TENM3: variants seen among roughly 807,000 people sequenced by gnomAD.
TENM3 encodes the protein teneurin transmembrane protein 3.
A neutral mutation model predicts 255.1 loss-of-function variants in TENM3; 63 were observed. That is an observed-to-expected ratio of 0.25 (90% CI 0.20 to 0.30). The LOEUF (loss-of-function observed/expected upper bound fraction) is 0.30. Among genes scored for constraint, TENM3 ranks in the 10% least tolerant of loss-of-function variants. The pLI, the probability that TENM3 is intolerant of heterozygous loss-of-function variation, is 1.00. For missense variants in TENM3, 2,929 were observed against 3,461.1 expected, an observed-to-expected ratio of 0.85 and a Z score of 3.86; for synonymous variants, 1,306 against 1,322.3, an observed-to-expected ratio of 0.99 and a Z score of 0.27.
chr4:181,603,903 G>A, the TENM3 span, among the ~76,000 whole-genome samples: 21 of 152,320 alleles, frequency 1.4e-4, no homozygotes, highest in Non-Finnish European at 2.9e-4. Context: ...GCTTTGAGTT[G>A]CCTGGACCTA....
At chr4:181,777,922 A>G in the TENM3 span, among the ~76,000 whole-genome samples, 3,848 of 152,172 alleles carry the variant, frequency 0.025, 68 homozygotes, top group Non-Finnish European at 0.039. Flanking sequence ...CACACTCTAA[A>G]ATACAGCTAG....
At chr4:181,709,170 T>C in the TENM3 span, among the ~76,000 whole-genome samples, 1 of 152,256 alleles carries the variant, frequency 6.6e-6, no homozygotes, top group African/African-American at 2.4e-5. Flanking sequence ...CTAAATTATT[T>C]ATTCAAAGTT....
chr4:181,451,294 G>A, the TENM3 span, among the ~76,000 whole-genome samples: 1 of 152,088 alleles, frequency 6.6e-6, no homozygotes, highest in African/African-American at 2.4e-5. Flanking sequence ...CTAGAGCACA[G>A]CCTGCAAACA....
At chr4:182,482,328 T>C (rs937767230) in intron 3 of TENM3, among the ~76,000 whole-genome samples, 1 of 152,168 alleles carries the variant, frequency 6.6e-6, no homozygotes, top group Non-Finnish European at 1.5e-5. Flanking sequence ...GTTATTAATA[T>C]GCTTATATCT....
At position 182,448,663 on chromosome 4, in the gene TENM3, C is replaced by G. The variant is rs375510650; in HGVS notation, c.511+101734C>G. On this transcript the variant is annotated intron_variant, in intron 3 of 27. Coordinates refer to ENST00000511685, the MANE Select transcript of TENM3 (RefSeq NM_001080477.4). Reference sequence around the variant, plus strand: ...CACGGCCGCTGCCCGGGGCGGCTCGCGAGCGTGCGTGTGTGGAGGGGAGGA... The same window carrying G: ...CACGGCCGCTGCCCGGGGCGGCTCGGGAGCGTGCGTGTGTGGAGGGGAGGA... 4.6e-5 allele frequency among the ~76,000 whole-genome samples: 7 copies of G among 151,658 alleles called. 1 individual carries two copies. The highest frequency in any genetic ancestry group is 2.0e-4 in the East Asian group (1 of 5,068).
intron 19 of TENM3, among the ~76,000 whole-genome samples, chr4:182,746,026 T>C (rs963462489): frequency 1.3e-5 from 2 of 152,226 alleles, no homozygotes; most frequent in Admixed American, 1.3e-4. Flanking sequence ...TTTTGGGTTT[T>C]ATATGGATAT....
intron 3 of TENM3, among the ~76,000 whole-genome samples, chr4:182,574,514 AT>A (rs1031134040): frequency 5.9e-5 from 9 of 152,260 alleles, no homozygotes; most frequent in African/African-American, 2.2e-4. Context: ...CTATATACTT[AT>A]TTAAAATGTA....
intron 3 of TENM3, among the ~76,000 whole-genome samples, chr4:182,371,024 G>T (rs926741417): frequency 2.0e-5 from 3 of 151,908 alleles, no homozygotes; most frequent in Non-Finnish European, 4.4e-5. Context: ...GAGACGTTTT[G>T]GTCTTCAGTT....
At chr4:182,079,077 C>T in the TENM3 span, among the ~76,000 whole-genome samples, 2 of 152,124 alleles carry the variant, frequency 1.3e-5, no homozygotes, top group Non-Finnish European at 2.9e-5. Context: ...GAGCAAAGTA[C>T]TCCCCAATGG....
intron 3 of TENM3, among the ~76,000 whole-genome samples, chr4:182,383,494 TCA>T (rs1491006883): frequency 7.0e-6 from 1 of 142,946 alleles, no homozygotes; most frequent in Non-Finnish European, 1.6e-5. Flanking sequence ...AATTGGAGAC[TCA>T]GGGGTACAGG....
chr4:181,527,164 G>T, the TENM3 span, among the ~76,000 whole-genome samples: 90 of 152,156 alleles, frequency 5.9e-4, no homozygotes, highest in Non-Finnish European at 1.0e-3. Flanking sequence ...TTTCATGAAT[G>T]TCTTTTGTAT....
At chr4:182,511,630 G>C (rs1737409341) in intron 3 of TENM3, among the ~76,000 whole-genome samples, 1 of 152,116 alleles carries the variant, frequency 6.6e-6, no homozygotes, top group Non-Finnish European at 1.5e-5. Flanking sequence ...CCTTTCATCA[G>C]TTGTGTTGCT....
chr4:181,495,561 GA>G, the TENM3 span, among the ~76,000 whole-genome samples: 9 of 76,502 alleles, frequency 1.2e-4, no homozygotes, highest in African/African-American at 4.2e-4. Flanking sequence ...ATACACGAGA[GA>G]GAGAGAGAGA....
the TENM3 span, among the ~76,000 whole-genome samples, chr4:181,607,083 C>T: frequency 1.3e-5 from 2 of 152,196 alleles, no homozygotes; most frequent in African/African-American, 4.8e-5. Flanking sequence ...AGTTATGCTT[C>T]GTACTAATGG....
intron 3 of TENM3, among the ~76,000 whole-genome samples, chr4:182,569,352 C>G (rs1306267889): frequency 6.6e-6 from 1 of 151,888 alleles, no homozygotes; most frequent in Non-Finnish European, 1.5e-5. Flanking sequence ...GTGAGGAGTT[C>G]GACACCAGCC....
intron 1 of TENM3, among the ~76,000 whole-genome samples, chr4:182,206,312 C>A (rs1754575217): frequency 6.6e-6 from 1 of 152,154 alleles, no homozygotes; most frequent in African/African-American, 2.4e-5. Flanking sequence ...GATTGCTTTC[C>A]CCACAGAGCC....
chr4:182,169,416 T>G (rs1380719516), intron 1 of TENM3: 3 of 416,006 alleles, frequency 7.2e-6, no homozygotes, highest in Non-Finnish European at 1.4e-5. Context: ...GGAAAAGAAG[T>G]CTCCTGAGAT....
chr4:181,888,502 A>ATATATATATATATATACACATATATGTG, the TENM3 span, among the ~76,000 whole-genome samples: 1 of 24,394 alleles, frequency 4.1e-5, no homozygotes, highest in African/African-American at 1.6e-4. Flanking sequence ...GTGTATATAT[A>ATATATATATATATATACACATATATGTG]TATATATATA....
intron 1 of TENM3, among the ~76,000 whole-genome samples, chr4:182,237,769 A>G (rs911573740): frequency 6.6e-6 from 1 of 152,218 alleles, no homozygotes; most frequent in South Asian, 2.1e-4. Context: ...TGAATATTCA[A>G]ACTTATGGAG....
Sources: gnomAD v4.1 joint callset for allele counts (sites outside exome capture counted in the v4.1 genomes callset) on GRCh38, gnomAD v4.1.1 for gene constraint, MANE v1.5 for transcripts, NCBI Gene and HGNC (gene_info 2026-07-23, HGNC 2026-07-21) for gene names.